GPC6: variants seen among roughly 807,000 people sequenced by gnomAD.
GPC6 encodes glypican 6, also known as glypican-6.
GPC6 carries 14 observed loss-of-function variants against 55.2 expected under a neutral mutation model. The ratio of observed to expected loss-of-function variants is 0.25; its 90% confidence interval spans 0.17 to 0.40. The LOEUF (loss-of-function observed/expected upper bound fraction) is 0.40. GPC6 is among the 10% of genes least tolerant of loss of function. The probability of loss-of-function intolerance (pLI) is 1.00; values close to 1 mark genes in which losing one functional copy is unlikely to be tolerated. For missense variants in GPC6, 641 were observed against 708.5 expected (o/e 0.90, Z 1.08); for synonymous variants, 278 against 259.6 (o/e 1.07, Z -0.68).
At chr13:93,640,532 A>T (rs1018684081) in intron 2 of GPC6, among the ~76,000 whole-genome samples, 2 of 152,062 alleles carry the variant, frequency 1.3e-5, no homozygotes, top group African/African-American at 4.8e-5. Flanking sequence ...ATTGCTTCCC[A>T]TCATGGAAGA....
intron 1 of GPC6, among the ~76,000 whole-genome samples, chr13:93,369,179 A>G (rs932654905): frequency 3.9e-5 from 6 of 152,098 alleles, no homozygotes; most frequent in Non-Finnish European, 5.9e-5. Context: ...ATGCTCTAAC[A>G]TTATCAATAA....
intron 2 of GPC6, among the ~76,000 whole-genome samples, chr13:93,785,408 A>G (rs1452542229): frequency 6.6e-6 from 1 of 152,222 alleles, no homozygotes; most frequent in African/African-American, 2.4e-5. Flanking sequence ...AAATTTTTGA[A>G]AAGACCTATA....
chr13:93,281,953 T>A (rs1017564375), intron 1 of GPC6, among the ~76,000 whole-genome samples: 2 of 152,232 alleles, frequency 1.3e-5, no homozygotes, highest in Non-Finnish European at 2.9e-5. Context: ...GTTTATTTCT[T>A]GACGCTGATG....
At chr13:93,221,018 G>A in the GPC6 span, among the ~76,000 whole-genome samples, 26 of 152,144 alleles carry the variant, frequency 1.7e-4, no homozygotes, top group African/African-American at 5.5e-4. Flanking sequence ...AAGTAGCTGG[G>A]ATTATAGGTG....
At chr13:93,833,887 CTGACTCTTAGAAGCACCATG>C (rs1196139177) in intron 3 of GPC6, among the ~76,000 whole-genome samples, 4 of 152,084 alleles carry the variant, frequency 2.6e-5, no homozygotes, top group Non-Finnish European at 5.9e-5. Context: ...AACTCTAGGT[CTGACTCTTAGAAGCACCATG>C]TGACTCTTAG....
In GPC6 at chr13:94,056,833, T is replaced by C. The variant is rs140385315; in HGVS notation, c.877+28939T>C. On this transcript the variant is annotated intron_variant, in intron 4 of 8. Transcript: ENST00000377047. ...GCATGTCTTCCAAATCAGCAATTCT[T>C]TTCACTTTCATCCAATGACATTATT... Among the ~76,000 whole-genome samples the C allele has an allele frequency of 2.6e-3, 389 of 152,342 alleles. 1 individual carries two copies. Among genetic ancestry groups the C allele is most frequent in the African/African-American group, 8.9e-3 (370 of 41,582 alleles).
intron 1 of GPC6, among the ~76,000 whole-genome samples, chr13:93,249,300 T>C (rs1876706926): frequency 6.6e-6 from 1 of 152,220 alleles, no homozygotes; most frequent in Non-Finnish European, 1.5e-5. Flanking sequence ...CCTTATACTT[T>C]AAATTGATTG....
intron 2 of GPC6, among the ~76,000 whole-genome samples, chr13:93,648,596 G>T (rs1167104276): frequency 6.6e-6 from 1 of 152,174 alleles, no homozygotes. Context: ...AGGCAGTATT[G>T]CAGAGACTGA....
At chr13:94,209,847 T>C (rs1890021261) in intron 4 of GPC6, among the ~76,000 whole-genome samples, 1 of 151,944 alleles carries the variant, frequency 6.6e-6, no homozygotes, top group Non-Finnish European at 1.5e-5. Context: ...ATTAATTAAT[T>C]AATTTATTTA....
intron 1 of GPC6, among the ~76,000 whole-genome samples, chr13:93,312,776 G>A (rs909424341): frequency 6.6e-6 from 1 of 152,138 alleles, no homozygotes; most frequent in Non-Finnish European, 1.5e-5. Context: ...AAACTCAATG[G>A]TTCTTTCTCA....
At chr13:93,313,618 C>T (rs973486273) in intron 1 of GPC6, among the ~76,000 whole-genome samples, 2 of 151,934 alleles carry the variant, frequency 1.3e-5, no homozygotes, top group Non-Finnish European at 2.9e-5. Context: ...CTGTGTATAC[C>T]CTCTATACAT....
At chr13:93,553,901 T>G (rs7322667) in intron 2 of GPC6, among the ~76,000 whole-genome samples, 26,684 of 72,116 alleles carry the variant, frequency 0.37, 2,782 homozygotes, top group African/African-American at 0.45. Context: ...CACTTTGGGA[T>G]GCTGAGGTGG....
chr13:93,368,353 C>T (rs1004226931), intron 1 of GPC6, among the ~76,000 whole-genome samples: 6 of 86,196 alleles, frequency 7.0e-5, no homozygotes, highest in East Asian at 5.3e-4. Context: ...TCCTTCCTTC[C>T]TTCCTTCCTT....
At chr13:94,250,105 C>T (rs1383990569) in intron 4 of GPC6, among the ~76,000 whole-genome samples, 1 of 152,166 alleles carries the variant, frequency 6.6e-6, no homozygotes, top group East Asian at 1.9e-4. Flanking sequence ...ATATTAAGCA[C>T]TGTGGATGAA....
chr13:94,195,727 C>G (rs1432062631), intron 4 of GPC6, among the ~76,000 whole-genome samples: 1 of 152,180 alleles, frequency 6.6e-6, no homozygotes. Flanking sequence ...TGGCTCCTGC[C>G]ACACAGCCTC....
At chr13:93,703,845 T>C (rs1297261296) in intron 2 of GPC6, among the ~76,000 whole-genome samples, 1 of 151,986 alleles carries the variant, frequency 6.6e-6, no homozygotes, top group African/African-American at 2.4e-5. Flanking sequence ...AACTGTTTAA[T>C]ATCAAACAGA....
At chr13:93,304,802 T>TG (rs1159529565) in intron 1 of GPC6, among the ~76,000 whole-genome samples, 7 of 151,988 alleles carry the variant, frequency 4.6e-5, no homozygotes, top group Non-Finnish European at 7.4e-5. Flanking sequence ...TATTTAGGGT[T>TG]GGGGGATGAG....
chr13:93,861,392 C>G (rs1888804988), intron 3 of GPC6, among the ~76,000 whole-genome samples: 1 of 146,180 alleles, frequency 6.8e-6, no homozygotes, highest in Non-Finnish European at 1.5e-5. Flanking sequence ...CTTCAAGTAC[C>G]TGGAGTTGTA....
chr13:94,208,931 AAAAC>A (rs1029276463), intron 4 of GPC6, among the ~76,000 whole-genome samples: 21 of 152,144 alleles, frequency 1.4e-4, no homozygotes, highest in Middle Eastern at 3.4e-3. Flanking sequence ...TATCTCTAAA[AAAAC>A]AAACAAACAG....
Sources: allele counts gnomAD v4.1 joint callset (sites outside exome capture counted in the v4.1 genomes callset), GRCh38; gene constraint gnomAD v4.1.1; transcripts MANE v1.5; gene names NCBI Gene and HGNC (gene_info 2026-07-23, HGNC 2026-07-21).